The following AJAP1 variants were observed in gnomAD, a reference collection of about 807,000 sequenced individuals.
AJAP1 encodes adherens junctions associated protein 1.
A neutral mutation model predicts 35.0 loss-of-function variants in AJAP1; 5 were observed. The observed-to-expected ratio is 0.14, with a 90% confidence interval of 0.07 to 0.30. The LOEUF (loss-of-function observed/expected upper bound fraction) is 0.30, where lower values mean the gene tolerates loss of function less well. Ranked by LOEUF, AJAP1 falls within the 10% of genes least tolerant of loss-of-function variation. AJAP1 has a pLI of 1.00. For synonymous variants in AJAP1, 284 were observed against 249.3 expected (o/e 1.14, Z -1.31); for missense variants, 586 against 571.0 (o/e 1.03, Z -0.27).
At chr1:4,714,765 A>G (rs926129956) in intron 2 of AJAP1, among the ~76,000 whole-genome samples, 1 of 152,210 alleles carries the variant, frequency 6.6e-6, no homozygotes, top group Non-Finnish European at 1.5e-5. Context: ...AGGGAAGGGA[A>G]CAGGTGGTTT....
rs1642215954 is a variant in AJAP1, at chr1:4,789,278, A to T, written c.*6793A>T. 1 of 152,256 alleles carries T rather than the reference A, an allele frequency of 6.6e-6. No homozygotes were observed. The highest frequency in any genetic ancestry group is 1.5e-5 in the Non-Finnish European group (1 of 68,044). 9.4% of individuals were successfully genotyped at this position (152,256 alleles called of 1,614,324 possible). A position where few individuals can be genotyped will look rare whatever the true frequency, so the allele number is the denominator to read the frequency against. On this transcript the variant is annotated 3_prime_UTR_variant, in exon 6 of 6. Transcript: ENST00000378191. This position sits in a 1 kb window ranked among gnomAD's most constrained non-coding sequence, Gnocchi z 4.4. The stretch of plus-strand genomic sequence containing the variant: ...CGTATGCTGTAGATAACAGTCAATT[A>T]AATGGGTTAATGTTCTAAGCCAAGA...
chr1:4,683,520 T>C (rs1570107579), intron 1 of AJAP1, among the ~76,000 whole-genome samples: 1 of 152,202 alleles, frequency 6.6e-6, no homozygotes, highest in African/African-American at 2.4e-5. Context: ...CACTGGGACG[T>C]TGATATATGG....
chr1:4,693,245 A>T lies in AJAP1; in HGVS notation c.30-18655A>T, dbSNP rs991351435. Among the ~76,000 whole-genome samples, 6 of 152,032 alleles carry T rather than the reference A, an allele frequency of 3.9e-5. No individual in the cohort carries two copies. The highest frequency in any genetic ancestry group is 8.8e-5 in the Non-Finnish European group (6 of 67,996). On this transcript the variant is annotated intron_variant, in intron 1 of 5. Transcript: ENST00000378191. This position sits in a 1 kb window ranked among gnomAD's most constrained non-coding sequence, Gnocchi z 4.4. ...GGAGGCGCCCATGGGAACTTTAGACACCAGGCCACTCAACTGAGGGGAGAA... is the reference window on the plus strand; with the variant it reads ...GGAGGCGCCCATGGGAACTTTAGACTCCAGGCCACTCAACTGAGGGGAGAA...
intron 2 of AJAP1, among the ~76,000 whole-genome samples, chr1:4,740,557 G>A (rs899213875): frequency 1.3e-5 from 2 of 151,840 alleles, no homozygotes; most frequent in African/African-American, 4.8e-5. Context: ...AGGCCGAGGC[G>A]GGCAGATCAC....
At chr1:4,668,246 C>A (rs1207974323) in intron 1 of AJAP1, among the ~76,000 whole-genome samples, 12 of 151,276 alleles carry the variant, frequency 7.9e-5, no homozygotes, top group African/African-American at 2.2e-4. Flanking sequence ...TGGCAACTTT[C>A]TTCCTCCTTG....
chr1:4,713,360 A>G (rs1490199080), intron 2 of AJAP1, among the ~76,000 whole-genome samples: 1 of 152,204 alleles, frequency 6.6e-6, no homozygotes, highest in Non-Finnish European at 1.5e-5. Context: ...GAGGACGGAG[A>G]TCAGAACAAA....
At chr1:4,777,842 A>G (rs1333515789) in intron 5 of AJAP1, 3 of 152,336 alleles carry the variant, frequency 2.0e-5, no homozygotes, top group Admixed American at 6.5e-5. Flanking sequence ...TTAATAGAAT[A>G]TCAAACTTTT....
At chr1:4,707,710 G>A (rs1424259630) in intron 1 of AJAP1, among the ~76,000 whole-genome samples, 2 of 152,120 alleles carry the variant, frequency 1.3e-5, no homozygotes, top group African/African-American at 4.8e-5. Context: ...TGAGTTGTGA[G>A]TGTGGCCCTG....
At chr1:4,688,527 C>T (rs1169962391) in intron 1 of AJAP1, among the ~76,000 whole-genome samples, 3 of 151,998 alleles carry the variant, frequency 2.0e-5, no homozygotes, top group African/African-American at 7.2e-5. Context: ...AATCCTGGCA[C>T]TTTGGGAGGC....
chr1:4,670,182 CCT>C (rs1395899153), intron 1 of AJAP1, among the ~76,000 whole-genome samples: 4 of 152,318 alleles, frequency 2.6e-5, no homozygotes, highest in Admixed American at 6.5e-5. Context: ...TGCAGACAGG[CCT>C]CTCTATGCCT....
chr1:4,666,012 C>T (rs1173793150), intron 1 of AJAP1, among the ~76,000 whole-genome samples: 3 of 152,170 alleles, frequency 2.0e-5, no homozygotes, highest in Admixed American at 6.5e-5. Flanking sequence ...CTGCCGTTTA[C>T]GGAGCACTGG....
chr1:4,753,011 T>C (rs448221), intron 2 of AJAP1, among the ~76,000 whole-genome samples: 71,988 of 151,828 alleles, frequency 0.47, 18,405 homozygotes, highest in African/African-American at 0.63. Flanking sequence ...TCCCCTTGTA[T>C]GACCTTCTCT....
At chr1:4,750,275 C>G (rs1641293039) in intron 2 of AJAP1, among the ~76,000 whole-genome samples, 1 of 152,210 alleles carries the variant, frequency 6.6e-6, no homozygotes. Context: ...TGTGCACACA[C>G]ACACATGCAC....
At chr1:4,766,155 T>C (rs1195013961) in intron 2 of AJAP1, among the ~76,000 whole-genome samples, 4 of 152,246 alleles carry the variant, frequency 2.6e-5, no homozygotes, top group Non-Finnish European at 4.4e-5. Flanking sequence ...TGCCTGTTTT[T>C]GGAAATGAAG....
chr1:4,717,866 A>G (rs1253710707), intron 2 of AJAP1, among the ~76,000 whole-genome samples: 1 of 152,216 alleles, frequency 6.6e-6, no homozygotes, highest in Non-Finnish European at 1.5e-5. Context: ...TGTGATGGCC[A>G]TTTAAATGCT....
intron 2 of AJAP1, among the ~76,000 whole-genome samples, chr1:4,736,436 A>G (rs1028297408): frequency 2.6e-5 from 4 of 152,326 alleles, no homozygotes; most frequent in African/African-American, 9.6e-5. Flanking sequence ...CTCTGCTCCA[A>G]AAACACCAGC....
chr1:4,745,775 G>A (rs532135230), intron 2 of AJAP1, among the ~76,000 whole-genome samples: 100 of 152,268 alleles, frequency 6.6e-4, no homozygotes, highest in African/African-American at 1.8e-3. Flanking sequence ...CCTGGGCAGC[G>A]CTTCCTCTCC....
chr1:4,707,003 G>A (rs921409288), intron 1 of AJAP1, among the ~76,000 whole-genome samples: 4 of 152,140 alleles, frequency 2.6e-5, no homozygotes, highest in Admixed American at 2.6e-4. Flanking sequence ...GCTGCTGAGA[G>A]GGAGCTGTCC....
chr1:4,683,451 A>G (rs113770634), intron 1 of AJAP1, among the ~76,000 whole-genome samples: 2,266 of 152,336 alleles, frequency 0.015, 28 homozygotes, highest in Middle Eastern at 0.031. Flanking sequence ...CGCTGGTTCC[A>G]CTGGCCTGGG....
Sources: gnomAD v4.1 joint callset for allele counts (sites outside exome capture counted in the v4.1 genomes callset) on GRCh38, gnomAD v4.1.1 for gene constraint, Gnocchi (gnomAD v3.1) non-coding constraint, MANE v1.5 for transcripts, NCBI Gene and HGNC (gene_info 2026-07-23, HGNC 2026-07-21) for gene names.